Variants in ADCY5 observed in about 807,000 individuals in gnomAD.
ADCY5 encodes adenylate cyclase type 5.
ADCY5 carries 30 observed loss-of-function variants against 119.7 expected under a neutral mutation model. The ratio of observed to expected loss-of-function variants is 0.25; its 90% CI spans 0.19 to 0.34. ADCY5 has a LOEUF of 0.34. Ranked by LOEUF, ADCY5 falls within the 10% of genes least tolerant of loss-of-function variation. The pLI is 1.00. For missense variants in ADCY5, 1,324 were observed against 1,775.2 expected, an observed-to-expected ratio of 0.75 and a Z score of 4.57; for synonymous variants, 753 against 762.2, an observed-to-expected ratio of 0.99 and a Z score of 0.20.
chr3:123,407,395 T>C (rs1161097526), intron 1 of ADCY5, among the ~76,000 whole-genome samples: 1 of 152,132 alleles, frequency 6.6e-6, no homozygotes, highest in Admixed American at 6.5e-5. Context: ...AATGGAATAT[T>C]ATTCATCCAT....
intron 1 of ADCY5, among the ~76,000 whole-genome samples, chr3:123,411,677 C>A (rs115142326): frequency 6.6e-6 from 1 of 152,218 alleles, no homozygotes; most frequent in African/African-American, 2.4e-5. Flanking sequence ...AGGACTCGTT[C>A]CAGAGGCAAA....
chr3:123,408,300 T>C (rs1250212409), intron 1 of ADCY5, among the ~76,000 whole-genome samples: 1 of 152,126 alleles, frequency 6.6e-6, no homozygotes, highest in Non-Finnish European at 1.5e-5. Flanking sequence ...AGACATTCAT[T>C]TGTACACTCA....
At chr3:123,408,548 C>T (rs894588210) in intron 1 of ADCY5, among the ~76,000 whole-genome samples, 8 of 151,430 alleles carry the variant, frequency 5.3e-5, no homozygotes, top group Admixed American at 3.3e-4. Flanking sequence ...CCCAGCTACT[C>T]GACAGGCTGA....
intron 1 of ADCY5, among the ~76,000 whole-genome samples, chr3:123,394,399 C>T (rs955343443): frequency 7.2e-5 from 11 of 151,942 alleles, no homozygotes; most frequent in African/African-American, 9.7e-5. Context: ...CAACTGAGAG[C>T]GGGGAAATAG....
intron 1 of ADCY5, among the ~76,000 whole-genome samples, chr3:123,400,399 T>G (rs1944718311): frequency 6.6e-6 from 1 of 152,176 alleles, no homozygotes; most frequent in Non-Finnish European, 1.5e-5. Flanking sequence ...AGAAACTCTT[T>G]GACCCACTAA....
chr3:123,405,460 T>C (rs1482957664), intron 1 of ADCY5, among the ~76,000 whole-genome samples: 1 of 152,030 alleles, frequency 6.6e-6, no homozygotes, highest in African/African-American at 2.4e-5. Context: ...AACTTGGTTC[T>C]CTCCTTTAGG....
At chr3:123,340,832 C>T (rs1344993577) in intron 3 of ADCY5, among the ~76,000 whole-genome samples, 1 of 152,076 alleles carries the variant, frequency 6.6e-6, no homozygotes, top group African/African-American at 2.4e-5. Flanking sequence ...CCCACCAAAA[C>T]TGAAAGCACA....
intron 7 of ADCY5, 41 bp downstream of exon 7, chr3:123,327,577 G>A (rs1367932869): frequency 6.3e-7 from 1 of 1,588,530 alleles, no homozygotes; most frequent in Non-Finnish European, 8.6e-7. Flanking sequence ...CCTCCCTGGA[G>A]GAAGGGAGCC....
At chr3:123,397,700 T>C (rs940058717) in intron 1 of ADCY5, among the ~76,000 whole-genome samples, 1 of 152,234 alleles carries the variant, frequency 6.6e-6, no homozygotes, top group Non-Finnish European at 1.5e-5. Context: ...TCTTCTGTTC[T>C]GCAGGGAAGA....
intron 1 of ADCY5, among the ~76,000 whole-genome samples, chr3:123,395,716 A>C (rs1005114156): frequency 8.0e-5 from 12 of 150,324 alleles, no homozygotes; most frequent in Non-Finnish European, 1.6e-4. Context: ...CGTCTCTACA[A>C]AAAAAAAAAT....
intron 1 of ADCY5, among the ~76,000 whole-genome samples, chr3:123,438,191 A>G (rs1481931968): frequency 2.0e-5 from 3 of 152,214 alleles, no homozygotes; most frequent in Non-Finnish European, 4.4e-5. Context: ...CCCTCCCCGC[A>G]GTAGGTTCCT....
At chr3:123,326,540 G>A (rs1941494213) in intron 7 of ADCY5, among the ~76,000 whole-genome samples, 1 of 152,212 alleles carries the variant, frequency 6.6e-6, no homozygotes, top group Non-Finnish European at 1.5e-5. Flanking sequence ...GAAGCTGCGG[G>A]AGGCCTTGTG....
At chr3:123,376,650 A>G (rs1398362588) in intron 1 of ADCY5, among the ~76,000 whole-genome samples, 1 of 152,068 alleles carries the variant, frequency 6.6e-6, no homozygotes, top group Non-Finnish European at 1.5e-5. Context: ...ATAAATAACA[A>G]TGAACGCCTC....
intron 1 of ADCY5, among the ~76,000 whole-genome samples, chr3:123,404,915 C>T (rs1258520856): frequency 6.6e-6 from 1 of 152,224 alleles, no homozygotes; most frequent in Non-Finnish European, 1.5e-5. Flanking sequence ...CTTCAACTGG[C>T]TCTGAAAAAG....
At chr3:123,362,712 A>T (rs898265379) in intron 1 of ADCY5, among the ~76,000 whole-genome samples, 1 of 152,146 alleles carries the variant, frequency 6.6e-6, no homozygotes, top group African/African-American at 2.4e-5. Flanking sequence ...GGAGGACATA[A>T]ACTCTGCAGG....
chr3:123,299,887 G>A (rs189668378), intron 15 of ADCY5, among the ~76,000 whole-genome samples: 53 of 152,206 alleles, frequency 3.5e-4, no homozygotes, highest in African/African-American at 1.2e-3. Flanking sequence ...GGCAAGCGGG[G>A]AGCAAACCAG....
At chr3:123,423,808 C>A (rs1214710441) in intron 1 of ADCY5, among the ~76,000 whole-genome samples, 2 of 152,150 alleles carry the variant, frequency 1.3e-5, no homozygotes, top group Non-Finnish European at 2.9e-5. Flanking sequence ...GGGAGGGTGG[C>A]CAGCTCAGTG....
rs1310787507 is a variant in ADCY5, at chr3:123,447,889, C to G, written c.657G>C (p.Lys219Asn). 6.2e-7 allele frequency: 1 copy of G among 1,612,084 alleles called. No homozygotes were observed. The highest frequency in any genetic ancestry group is 8.5e-7 in the Non-Finnish European group (1 of 1,179,438). Residue 219 changes from lysine (K) to asparagine (N), a missense_variant, in exon 1 of 21, where the codon AAG becomes AAC. Coordinates refer to ENST00000462833, the MANE Select transcript of ADCY5 (RefSeq NM_183357.3). The part of the protein sequence containing the change: ...CLALLQIFRS[K>N]KFPSDKLERL... The stretch of plus-strand genomic sequence containing the variant: ...GCTCCAGTTTGTCCGACGGGAACTT[C>G]TTGGAGCGGAATATCTGCAGCAACG...
At chr3:123,407,183 C>T (rs1025032851) in intron 1 of ADCY5, among the ~76,000 whole-genome samples, 1 of 152,056 alleles carries the variant, frequency 6.6e-6, no homozygotes, top group Non-Finnish European at 1.5e-5. Context: ...CCAGCTCTAA[C>T]CATCAACTCT....
Sources: gnomAD v4.1 joint callset for allele counts (sites outside exome capture counted in the v4.1 genomes callset) on GRCh38, gnomAD v4.1.1 for gene constraint, MANE v1.5 for transcripts, NCBI Gene and HGNC (gene_info 2026-07-23, HGNC 2026-07-21) for gene names.